Variants in DLGAP2 observed in about 807,000 individuals in gnomAD.
The protein encoded by DLGAP2 is DLG associated protein 2, also known as disks large-associated protein 2.
A neutral mutation model predicts 100.3 loss-of-function variants in DLGAP2; 26 were observed. The ratio of observed to expected loss-of-function variants is 0.26; its 90% confidence interval spans 0.19 to 0.36. The LOEUF (loss-of-function observed/expected upper bound fraction) is 0.36. Ranked by LOEUF, DLGAP2 falls within the 10% of genes least tolerant of loss-of-function variation. The pLI is 1.00. For synonymous variants in DLGAP2, 886 were observed against 630.1 expected, an observed-to-expected ratio of 1.41 and a Z score of -6.08; for missense variants, 1,858 against 1,453.2, an observed-to-expected ratio of 1.28 and a Z score of -4.53.
chr8:1,336,051 A>T (rs2117069931), intron 3 of DLGAP2, among the ~76,000 whole-genome samples: 1 of 152,372 alleles, frequency 6.6e-6, no homozygotes, highest in South Asian at 2.1e-4. Flanking sequence ...CTGGGCGTTC[A>T]GCCCGTCTCA....
chr8:1,693,714 T>C (rs1799310485), intron 13 of DLGAP2, among the ~76,000 whole-genome samples: 1 of 152,176 alleles, frequency 6.6e-6, no homozygotes. Context: ...TACTTTCCAA[T>C]CAACCCCACT....
At chr8:1,190,842 G>T (rs551366731) in intron 2 of DLGAP2, among the ~76,000 whole-genome samples, 2 of 152,154 alleles carry the variant, frequency 1.3e-5, no homozygotes, top group South Asian at 2.1e-4. Context: ...CAGAGCCCAG[G>T]CTCCAGGCGC....
At chr8:1,365,689 C>T (rs1283080154) in intron 3 of DLGAP2, among the ~76,000 whole-genome samples, 1 of 152,194 alleles carries the variant, frequency 6.6e-6, no homozygotes, top group Non-Finnish European at 1.5e-5. Context: ...AATCTCGGGT[C>T]CCAGTAGATG....
intron 2 of DLGAP2, among the ~76,000 whole-genome samples, chr8:1,075,693 G>A (rs1204169825): frequency 1.3e-5 from 2 of 152,082 alleles, no homozygotes; most frequent in African/African-American, 2.4e-5. Context: ...AGGAGGGCCC[G>A]TCAGTGAGAG....
chr8:1,191,337 A>ATT (rs1554499831), intron 2 of DLGAP2, among the ~76,000 whole-genome samples: 1 of 151,790 alleles, frequency 6.6e-6, no homozygotes, highest in Non-Finnish European at 1.5e-5. Context: ...CGCCCGGCTA[A>ATT]TTTTTTGTAT....
At chr8:1,341,623 T>C (rs1213047761) in intron 3 of DLGAP2, among the ~76,000 whole-genome samples, 1 of 152,274 alleles carries the variant, frequency 6.6e-6, no homozygotes. Context: ...CCCCATAATC[T>C]TTGCAGGTAA....
At chr8:1,426,346 G>A (rs1195689748) in intron 3 of DLGAP2, among the ~76,000 whole-genome samples, 1 of 152,186 alleles carries the variant, frequency 6.6e-6, no homozygotes, top group Non-Finnish European at 1.5e-5. Flanking sequence ...AGTCCATCTG[G>A]AGGGAAATGC....
At chr8:1,170,398 A>G (rs932693657) in intron 2 of DLGAP2, among the ~76,000 whole-genome samples, 1 of 152,150 alleles carries the variant, frequency 6.6e-6, no homozygotes, top group African/African-American at 2.4e-5. Flanking sequence ...CTGGCCTCAT[A>G]AAATGAGTTA....
At chr8:1,220,464 G>A (rs1798294380) in intron 2 of DLGAP2, among the ~76,000 whole-genome samples, 1 of 152,132 alleles carries the variant, frequency 6.6e-6, no homozygotes, top group Non-Finnish European at 1.5e-5. Context: ...TGTGGTCCAA[G>A]AGTGTGCTTG....
intron 1 of DLGAP2, among the ~76,000 whole-genome samples, chr8:870,964 A>G (rs1267962932): frequency 6.6e-6 from 1 of 152,118 alleles, no homozygotes; most frequent in Non-Finnish European, 1.5e-5. Context: ...ACTGTGGTAG[A>G]CGTATCTGGC....
chr8:1,028,145 T>A (rs1458746567), intron 2 of DLGAP2, among the ~76,000 whole-genome samples: 1 of 140,170 alleles, frequency 7.1e-6, no homozygotes, highest in African/African-American at 2.7e-5. Context: ...GCGCCCGTTA[T>A]TCTCCAGGTG....
chr8:912,779 G>T (rs1021023986), intron 2 of DLGAP2, among the ~76,000 whole-genome samples: 1 of 147,338 alleles, frequency 6.8e-6, no homozygotes, highest in African/African-American at 2.6e-5. Context: ...CTGCGCTATG[G>T]TGCCCACGTT....
intron 3 of DLGAP2, among the ~76,000 whole-genome samples, chr8:1,376,833 C>G (rs1795947168): frequency 6.6e-6 from 1 of 152,148 alleles, no homozygotes. Context: ...CTTGCTACTG[C>G]AAGCGTATTT....
chr8:1,509,994 G>A (rs958286162), intron 4 of DLGAP2, among the ~76,000 whole-genome samples: 2 of 152,176 alleles, frequency 1.3e-5, no homozygotes, highest in Non-Finnish European at 1.5e-5. Flanking sequence ...AACTTCATGT[G>A]TTTCCCGAAC....
chr8:1,190,642 G>A (rs897904885), intron 2 of DLGAP2, among the ~76,000 whole-genome samples: 1 of 152,184 alleles, frequency 6.6e-6, no homozygotes, highest in Non-Finnish European at 1.5e-5. Flanking sequence ...GGTTGTGAGT[G>A]TGTGGTTGGC....
Position 1,198,921 on chromosome 8 carries a change from C to T in DLGAP2, c.74-59930C>T, listed in dbSNP as rs538324523. Among the ~76,000 whole-genome samples the T allele has an allele frequency of 9.2e-5, 14 of 152,350 alleles. No homozygotes were observed. In the East Asian group the frequency reaches 1.9e-3, roughly 21 times the overall value. On this transcript the variant is annotated intron_variant, in intron 2 of 14. Transcript: ENST00000637795. ...GGAAGGGTGGCAGCGGGCGTGTGTGCCCGGGACCTGGATACAGGCAGACTG... is the reference window on the plus strand; with the variant it reads ...GGAAGGGTGGCAGCGGGCGTGTGTGTCCGGGACCTGGATACAGGCAGACTG...
intron 3 of DLGAP2, among the ~76,000 whole-genome samples, chr8:1,348,799 G>A (rs999915613): frequency 3.9e-5 from 6 of 152,264 alleles, no homozygotes; most frequent in African/African-American, 7.2e-5. Flanking sequence ...GCGGTGGAGC[G>A]TGTTGATGGA....
chr8:1,267,276 A>C (rs1799473732), intron 3 of DLGAP2, among the ~76,000 whole-genome samples: 2 of 148,416 alleles, frequency 1.3e-5, no homozygotes, highest in African/African-American at 2.5e-5. Flanking sequence ...AATAAAATAA[A>C]ATAAAAAGGT....
chr8:1,036,247 GCTCATCCCGACCCCACA>G (rs1802119183), intron 2 of DLGAP2, among the ~76,000 whole-genome samples: 2 of 148,596 alleles, frequency 1.3e-5, no homozygotes, highest in Admixed American at 6.7e-5. Flanking sequence ...GGATTCACAC[GCTCATCCCGACCCCACA>G]TGTTCACGTG....
Sources: gnomAD v4.1 joint callset for allele counts (sites outside exome capture counted in the v4.1 genomes callset) on GRCh38, gnomAD v4.1.1 for gene constraint, MANE v1.5 for transcripts, NCBI Gene and HGNC (gene_info 2026-07-23, HGNC 2026-07-21) for gene names.